The following NBEA variants were observed in gnomAD, a reference collection of about 807,000 sequenced individuals.
NBEA encodes neurobeachin, also known as lysosomal-trafficking regulator 2.
In NBEA, 44 loss-of-function variants were observed where a neutral mutation model predicts 343.4. The observed-to-expected ratio is 0.13, with a 90% CI of 0.10 to 0.16. The LOEUF is 0.16. Among genes scored for constraint, NBEA ranks in the 10% least tolerant of loss-of-function variants. NBEA has a pLI of 1.00. For missense variants in NBEA, 2,555 were observed against 3,631.3 expected (o/e 0.70, Z 7.62); for synonymous variants, 1,175 against 1,238.7 (o/e 0.95, Z 1.08).
intron 44 of NBEA, among the ~76,000 whole-genome samples, chr13:35,562,079 T>C (rs560197992): frequency 6.6e-6 from 1 of 152,232 alleles, no homozygotes; most frequent in South Asian, 2.1e-4. Flanking sequence ...GAACCTGTAA[T>C]GTATACAGGT....
At position 35,194,772 on chromosome 13, in the gene NBEA, G is replaced by A. The variant is rs553237521; in HGVS notation, c.4928-1092G>A. Among the ~76,000 whole-genome samples the A allele has an allele frequency of 3.1e-3, 464 of 152,092 alleles. 1 individual carries two copies. Among genetic ancestry groups the A allele is most frequent in the Admixed American group, 4.2e-3 (64 of 15,270 alleles). The stretch of plus-strand genomic sequence containing the variant: ...AACTTTATTACATTAACCTTTGTAT[G>A]ATGAAATTTGATAGAAATTTAACAT... On this transcript the variant is annotated intron_variant, in intron 30 of 58. Transcript: ENST00000379939.
At chr13:35,250,963 A>G (rs537478800) in intron 34 of NBEA, 1 of 152,410 alleles carries the variant, frequency 6.6e-6, no homozygotes, top group African/African-American at 2.4e-5. Context: ...CATCTAGGGG[A>G]ATGGTATCAG....
At position 35,475,405 on chromosome 13, in the gene NBEA, C is replaced by T. The variant is rs574005569; in HGVS notation, c.6585+2869C>T. 3.1e-6 allele frequency: 5 copies of T among 1,613,644 alleles called. No individual in the cohort carries two copies. In the South Asian group the frequency reaches 4.4e-5, roughly 14 times the overall value. On this transcript the variant is annotated intron_variant, in intron 41 of 58. Coordinates refer to ENST00000379939, the MANE Select transcript of NBEA (RefSeq NM_001385012.1). ...GATGGAGAGGCACTTCTTTCTGCAGCCCCCCATCTGCAGTCTGTTCTCTGC... is the reference window on the plus strand; with the variant it reads ...GATGGAGAGGCACTTCTTTCTGCAGTCCCCCATCTGCAGTCTGTTCTCTGC...
chr13:35,550,175 C>T (rs962246872), intron 41 of NBEA, among the ~76,000 whole-genome samples: 12 of 152,150 alleles, frequency 7.9e-5, no homozygotes, highest in African/African-American at 2.9e-4. Context: ...CAATATATGT[C>T]TCACAGGTGG....
chr13:35,184,211 C>G, intron 30 of NBEA, 140 bp downstream of exon 30: 1 of 540,220 alleles, frequency 1.9e-6, no homozygotes, highest in South Asian at 3.4e-5. Flanking sequence ...GTATTTATAC[C>G]TAGCTATTGA....
intron 1 of NBEA, among the ~76,000 whole-genome samples, chr13:35,030,815 A>G (rs1366914261): frequency 5.3e-5 from 8 of 151,648 alleles, no homozygotes; most frequent in Non-Finnish European, 8.9e-5. Context: ...GCTTCCGGCA[A>G]TTAAATCAGA....
In NBEA at chr13:35,259,659, T is replaced by TA. The variant is rs143162056; in HGVS notation, c.5776+27046dup. ...AAATAAAACATTTTATTAGCAATTT[T>TA]AAAAAATATATTATAATTATTCTTT... On this transcript the variant is annotated intron_variant, in intron 34 of 58. Transcript: ENST00000379939. 1.0e-2 allele frequency among the ~76,000 whole-genome samples: 1,521 copies of TA among 152,198 alleles called. 27 individuals are homozygous for TA. The highest frequency in any genetic ancestry group is 0.035 in the African/African-American group (1,449 of 41,556).
intron 1 of NBEA, among the ~76,000 whole-genome samples, chr13:35,018,985 A>G (rs1382273658): frequency 1.3e-5 from 2 of 150,796 alleles, no homozygotes. Flanking sequence ...CTTTTTCTGT[A>G]TCTTTTGACA....
At position 34,988,053 on chromosome 13, in the gene NBEA, A is replaced by G. The variant is rs989946435; in HGVS notation, c.294+44939A>G. The stretch of plus-strand genomic sequence containing the variant: ...TGTTCTTTGCTGGTGGGGAGATGCT[A>G]TCCTTTGGAGGAGAAGAGGCACTCT... On this transcript the variant is annotated intron_variant, in intron 1 of 58. Transcript: ENST00000379939. Among the ~76,000 whole-genome samples, 42 of 151,044 alleles carry G rather than the reference A, an allele frequency of 2.8e-4. 2 individuals are homozygous for G. The highest frequency in any genetic ancestry group is 8.7e-4 in the African/African-American group (36 of 41,350).
intron 33 of NBEA, among the ~76,000 whole-genome samples, chr13:35,211,580 C>T (rs1335176449): frequency 1.3e-5 from 2 of 151,776 alleles, no homozygotes; most frequent in Non-Finnish European, 2.9e-5. Context: ...TTTGGAAGGC[C>T]GAGGAGGGCA....
intron 41 of NBEA, among the ~76,000 whole-genome samples, chr13:35,544,312 T>C (rs1360340554): frequency 6.6e-6 from 1 of 152,232 alleles, no homozygotes; most frequent in Non-Finnish European, 1.5e-5. Context: ...AAATTTGTAA[T>C]ACTTGTGCTA....
intron 11 of NBEA, among the ~76,000 whole-genome samples, chr13:35,100,964 T>C (rs575281545): frequency 6.6e-6 from 1 of 152,118 alleles, no homozygotes; most frequent in South Asian, 2.1e-4. Flanking sequence ...ATATTTGTCT[T>C]TTTGTATTTG....
Position 35,284,017 on chromosome 13 carries a change from A to C in NBEA, c.5777-6372A>C, listed in dbSNP as rs9543856. Among the ~76,000 whole-genome samples, 224 of 142,200 alleles carry C rather than the reference A, an allele frequency of 1.6e-3. 1 individual carries two copies. Among genetic ancestry groups the C allele is most frequent in the Middle Eastern group, 7.5e-3 (2 of 266 alleles). The allele number at this position is 142,200 out of a possible 152,430, so 93.3% of individuals were successfully genotyped here. On this transcript the variant is annotated intron_variant, in intron 34 of 58. Transcript: ENST00000379939. ...ACACACACACACACACACACACACC[A>C]CACAGATGCATGTACACACACATCT...
intron 41 of NBEA, among the ~76,000 whole-genome samples, chr13:35,540,932 C>T (rs2078792165): frequency 6.6e-6 from 1 of 152,162 alleles, no homozygotes; most frequent in South Asian, 2.1e-4. Context: ...TATTGCACTT[C>T]TCTAGTCCAA....
At chr13:35,569,978 C>T (rs9574136) in intron 45 of NBEA, among the ~76,000 whole-genome samples, 49,072 of 152,150 alleles carry the variant, frequency 0.32, 8,068 homozygotes, top group South Asian at 0.4. Context: ...GTCACTGTTT[C>T]TACAGTAACT....
intron 40 of NBEA, among the ~76,000 whole-genome samples, chr13:35,459,014 CCCCCACACACA>C (rs1161602187): frequency 9.8e-5 from 12 of 122,874 alleles, no homozygotes; most frequent in African/African-American, 3.9e-4. Flanking sequence ...CGCCCCCCCC[CCCCCACACACA>C]CACACACACA....
intron 45 of NBEA, among the ~76,000 whole-genome samples, chr13:35,582,013 A>G (rs539046907): frequency 5.6e-4 from 85 of 152,258 alleles, no homozygotes; most frequent in African/African-American, 1.9e-3. Context: ...TCGGCCAGGC[A>G]TGGTGGCTCA....
Position 35,452,075 on chromosome 13 carries a change from A to AT in NBEA, c.6305-12dup. The AT allele has an allele frequency of 6.3e-7, 1 of 1,592,734 alleles. No homozygotes were observed. Among genetic ancestry groups the AT allele is most frequent in the Non-Finnish European group, 8.6e-7 (1 of 1,165,526 alleles). ...CAATCATAATAACCTAAATGATTAT[A>AT]TTTTTGTTGTGATTAGGCACGGAAG... On this transcript the variant is annotated splice_polypyrimidine_tract_variant and intron_variant, in intron 39 of 58. Transcript: ENST00000379939.
intron 37 of NBEA, 80 bp from the exon 38 acceptor site, chr13:35,352,077 C>A: frequency 1.1e-5 from 9 of 847,940 alleles, no homozygotes; most frequent in Non-Finnish European, 1.4e-5. Flanking sequence ...TTCCTGTTAC[C>A]GTTTAACTTA....
Sources: allele counts gnomAD v4.1 joint callset (sites outside exome capture counted in the v4.1 genomes callset), GRCh38; gene constraint gnomAD v4.1.1; transcripts MANE v1.5; gene names NCBI Gene and HGNC (gene_info 2026-07-23, HGNC 2026-07-21).